The following PCDH15 variants were observed in gnomAD, a reference collection of about 807,000 sequenced individuals.
The protein encoded by PCDH15 is protocadherin related 15.
Under a neutral mutation model 178.5 loss-of-function variants are expected in PCDH15, and 129 were observed. The ratio of observed to expected loss-of-function variants is 0.72; its 90% CI spans 0.63 to 0.84. The LOEUF is 0.84. PCDH15 is among the 40% of genes least tolerant of loss of function. The probability of loss-of-function intolerance (pLI) is 0.00; values close to 1 mark genes in which losing one functional copy is unlikely to be tolerated. For missense variants in PCDH15, 2,230 were observed against 2,099.9 expected (o/e 1.06, Z -1.21); for synonymous variants, 800 against 732.0 (o/e 1.09, Z -1.50).
intron 2 of PCDH15, among the ~76,000 whole-genome samples, chr10:55,035,654 A>G (rs535607608): frequency 6.6e-6 from 1 of 152,322 alleles, no homozygotes; most frequent in East Asian, 1.9e-4. Flanking sequence ...TACTTAGAAA[A>G]GGAGGATGCT....
intron 3 of PCDH15, among the ~76,000 whole-genome samples, chr10:54,459,313 T>A (rs567820150): frequency 6.6e-6 from 1 of 152,204 alleles, no homozygotes; most frequent in South Asian, 2.1e-4. Flanking sequence ...ATAGCTCATG[T>A]TTATTTCAAT....
At chr10:55,227,575 C>T (rs939979197) in intron 1 of PCDH15, among the ~76,000 whole-genome samples, 4 of 152,006 alleles carry the variant, frequency 2.6e-5, no homozygotes, top group African/African-American at 9.7e-5. Flanking sequence ...TATGTGTTAC[C>T]ATTTTGAGAA....
At chr10:54,705,487 C>CA (rs1481987473) in intron 1 of PCDH15, among the ~76,000 whole-genome samples, 2 of 152,098 alleles carry the variant, frequency 1.3e-5, no homozygotes, top group Non-Finnish European at 2.9e-5. Flanking sequence ...CTCATCTCCC[C>CA]AAACCTCAAT....
At position 53,807,093 on chromosome 10, in the gene PCDH15, C is replaced by G. The variant is rs762452325; in HGVS notation, c.4709G>C (p.Arg1570Pro). 4.3e-6 allele frequency: 7 copies of G among 1,611,280 alleles called. No homozygotes were observed. The highest frequency in any genetic ancestry group is 5.9e-6 in the Non-Finnish European group (7 of 1,178,888). The change falls in exon 38 of 38, where the codon CGA (arginine) becomes CCA (proline). Residue 1570 changes from arginine (R) to proline (P), a missense_variant. Physicochemically the swap from Arg to Pro is moderately radical, Grantham distance 103 (BLOSUM62 -2). Coordinates refer to ENST00000644397, the MANE Select transcript of PCDH15 (RefSeq NM_001384140.1). ...RKRMIKLVVDREYETSSTGED... is the reference protein window; with the variant it reads ...RKRMIKLVVDPEYETSSTGED... ...TCCAGTTGAGCTGGTTTCATACTCTCGATCAACAACTAACTTGATCATTCT... is the reference window on the plus strand; with the variant it reads ...TCCAGTTGAGCTGGTTTCATACTCTGGATCAACAACTAACTTGATCATTCT...
At chr10:53,921,574 T>C (rs536374312) in intron 25 of PCDH15, among the ~76,000 whole-genome samples, 162 of 152,232 alleles carry the variant, frequency 1.1e-3, no homozygotes, top group African/African-American at 3.8e-3. Flanking sequence ...AATCAGATTC[T>C]CTCACCTTCA....
intron 3 of PCDH15, among the ~76,000 whole-genome samples, chr10:54,495,697 C>T (rs1410989616): frequency 6.6e-6 from 1 of 152,114 alleles, no homozygotes; most frequent in South Asian, 2.1e-4. Flanking sequence ...CTCTTATTAA[C>T]CACCTCTAAC....
chr10:54,311,395 G>A (rs182385073), intron 8 of PCDH15, among the ~76,000 whole-genome samples: 57 of 151,868 alleles, frequency 3.8e-4, no homozygotes, highest in African/African-American at 1.4e-3. Flanking sequence ...AAATGCATAA[G>A]GATTTATCAT....
chr10:55,560,489 A>G (rs138286151), intron 2 of PCDH15, among the ~76,000 whole-genome samples: 153 of 152,018 alleles, frequency 1.0e-3, no homozygotes, highest in African/African-American at 3.6e-3. Context: ...GTTCCTGAGT[A>G]ACATACTGAG....
At chr10:54,466,416 C>G (rs2077519781) in intron 3 of PCDH15, among the ~76,000 whole-genome samples, 1 of 151,840 alleles carries the variant, frequency 6.6e-6, no homozygotes. Context: ...TTGCCAACAC[C>G]ATTTATTGAA....
chr10:54,898,879 T>C (rs1259971657), intron 2 of PCDH15, among the ~76,000 whole-genome samples: 1 of 152,196 alleles, frequency 6.6e-6, no homozygotes, highest in African/African-American at 2.4e-5. Flanking sequence ...TATTTGTTAA[T>C]GCTAAGTGTT....
rs1184126950 is a variant in PCDH15 at position 53,805,568 on chromosome 10, A to C, written c.*1011T>G. The C allele has an allele frequency of 1.3e-5, 2 of 152,062 alleles. No individual in the cohort carries two copies. Among genetic ancestry groups the C allele is most frequent in the South Asian group, 2.1e-4 (1 of 4,838 alleles). The allele number at this position is 152,062 out of a possible 1,614,324, so 9.4% of individuals were successfully genotyped here. A position where few individuals can be genotyped will look rare whatever the true frequency, so the allele number is the denominator to read the frequency against. Reference sequence around the variant, plus strand: ...CTATAAATAACCTGAAAATGGAAGAAGTTAAACACAACATTTGAAGTTATG... The same window carrying C: ...CTATAAATAACCTGAAAATGGAAGACGTTAAACACAACATTTGAAGTTATG... On this transcript the variant is annotated 3_prime_UTR_variant, in exon 38 of 38. Coordinates refer to ENST00000644397, the MANE Select transcript of PCDH15 (RefSeq NM_001384140.1).
intron 3 of PCDH15, among the ~76,000 whole-genome samples, chr10:54,505,283 T>G (rs1417097046): frequency 6.6e-6 from 1 of 152,124 alleles, no homozygotes. Flanking sequence ...TGAATTTCTA[T>G]GTATACACAG....
At chr10:55,415,747 G>T (rs973530000) in intron 2 of PCDH15, among the ~76,000 whole-genome samples, 1 of 151,506 alleles carries the variant, frequency 6.6e-6, no homozygotes, top group African/African-American at 2.4e-5. Flanking sequence ...TATTTACCTT[G>T]ACTAAAGGAA....
chr10:55,330,155 C>T (rs971798154), intron 2 of PCDH15, among the ~76,000 whole-genome samples: 1 of 151,688 alleles, frequency 6.6e-6, no homozygotes, highest in Admixed American at 6.6e-5. Context: ...AGTGATTAAA[C>T]TTATTTTAAT....
At chr10:54,435,356 C>T (rs1270964979) in intron 3 of PCDH15, among the ~76,000 whole-genome samples, 1 of 152,026 alleles carries the variant, frequency 6.6e-6, no homozygotes, top group African/African-American at 2.4e-5. Context: ...CTGAAATATT[C>T]CTTCTTTGTG....
chr10:55,269,749 C>G (rs975957154), intron 1 of PCDH15, among the ~76,000 whole-genome samples: 3 of 152,042 alleles, frequency 2.0e-5, no homozygotes, highest in Admixed American at 6.6e-5. Flanking sequence ...ATCAAACTAC[C>G]AATATCATTT....
At chr10:55,279,751 A>G (rs1232139334) in intron 1 of PCDH15, among the ~76,000 whole-genome samples, 1 of 152,182 alleles carries the variant, frequency 6.6e-6, no homozygotes, top group African/African-American at 2.4e-5. Context: ...TGGTTGTACG[A>G]TTGACAGAAA....
rs544039690 is a variant in PCDH15, at chr10:54,446,448, T to C, written c.158-67506A>G. On this transcript the variant is annotated intron_variant, in intron 3 of 37. Transcript: ENST00000644397. ...TCATATCAAAAAGTACTACTGTTGA[T>C]TCGGTTTTTTGTGTTTCATTATTTG... 4.3e-4 allele frequency among the ~76,000 whole-genome samples: 65 copies of C among 151,836 alleles called. 1 individual carries two copies. In the South Asian group the frequency reaches 0.012, roughly 27 times the overall value.
At chr10:53,868,284 G>A (rs917209705) in intron 26 of PCDH15, among the ~76,000 whole-genome samples, 2 of 151,636 alleles carry the variant, frequency 1.3e-5, no homozygotes, top group Admixed American at 1.3e-4. Flanking sequence ...TTAAGTATGA[G>A]TATGCATTTA....
Sources: gnomAD v4.1 joint callset for allele counts (sites outside exome capture counted in the v4.1 genomes callset) on GRCh38, gnomAD v4.1.1 for gene constraint, MANE v1.5 for transcripts, NCBI Gene and HGNC (gene_info 2026-07-23, HGNC 2026-07-21) for gene names.